DCUN1D5: variants seen among roughly 807,000 people sequenced by gnomAD.
DCUN1D5 encodes the protein DCN1-like protein 5.
DCUN1D5 carries 10 observed loss-of-function variants against 38.3 expected under a neutral mutation model. That is an observed-to-expected ratio of 0.26 (90% CI 0.16 to 0.44). DCUN1D5 has a LOEUF of 0.44. DCUN1D5 is among the 20% of genes least tolerant of loss of function. DCUN1D5 has a pLI of 1.00. For synonymous variants in DCUN1D5, 93 were observed against 90.9 expected (o/e 1.02, Z -0.13); for missense variants, 148 against 275.3 (o/e 0.54, Z 3.27).
intron 4 of DCUN1D5, among the ~76,000 whole-genome samples, chr11:103,080,863 T>C (rs923479476): frequency 6.6e-6 from 1 of 151,998 alleles, no homozygotes. Flanking sequence ...ATACACAAAA[T>C]TAGCCGGGCG....
chr11:103,066,622 T>C lies in DCUN1D5; in HGVS notation c.342-55A>G. 1 of 1,103,804 alleles carries C rather than the reference T, an allele frequency of 9.1e-7. No homozygotes were observed. Among genetic ancestry groups the C allele is most frequent in the Non-Finnish European group, 1.4e-6 (1 of 729,258 alleles). The allele number at this position is 1,103,804 out of a possible 1,614,324, so 68.4% of individuals were successfully genotyped here. ...CATAATCAAGAAAATCAAATAAAAG[T>C]ATCACTGGGGGTTAGACGTAATGCA... On this transcript the variant is annotated intron_variant, in intron 4 of 7. Coordinates refer to ENST00000260247, the MANE Select transcript of DCUN1D5 (RefSeq NM_032299.4). The surrounding 1 kb of genome is among the most constrained non-coding windows in gnomAD (Gnocchi z 4.7).
Position 103,062,322 on chromosome 11 carries a change from G to C in DCUN1D5, c.*37C>G. ...ATCACATTAGCTTGTATACACGTGG[G>C]AATTGAAAGGTTTGCATTTTCTTCA... On this transcript the variant is annotated 3_prime_UTR_variant, in exon 8 of 8. Transcript: ENST00000260247. This position sits in a 1 kb window ranked among gnomAD's most constrained non-coding sequence, Gnocchi z 4.6. 6.2e-7 allele frequency: 1 copy of C among 1,604,062 alleles called. No individual in the cohort carries two copies. The highest frequency in any genetic ancestry group is 2.2e-5 in the East Asian group (1 of 44,790).
chr11:103,090,171 T>TA (rs1862822023), intron 1 of DCUN1D5, among the ~76,000 whole-genome samples: 1 of 152,198 alleles, frequency 6.6e-6, no homozygotes, highest in South Asian at 2.1e-4. Context: ...GTTCTAATAA[T>TA]ACTGCCTGCT....
intron 4 of DCUN1D5, among the ~76,000 whole-genome samples, chr11:103,068,860 A>G (rs1160313413): frequency 6.6e-6 from 1 of 152,088 alleles, no homozygotes; most frequent in African/African-American, 2.4e-5. Flanking sequence ...AAGATCTTAC[A>G]GTTCAAAAAT....
chr11:103,070,020 G>C (rs1360879583), intron 4 of DCUN1D5, among the ~76,000 whole-genome samples: 2 of 151,118 alleles, frequency 1.3e-5, no homozygotes, highest in Non-Finnish European at 2.9e-5. Flanking sequence ...GAGATGTTCA[G>C]AATTATCTGA....
rs1001998833 is a variant in DCUN1D5, at chr11:103,051,318, TAAAA to T, written c.*11037_*11040del. 6.6e-6 allele frequency: 1 copy of T among 152,184 alleles called. No homozygotes were observed. Among genetic ancestry groups the T allele is most frequent in the East Asian group, 1.9e-4 (1 of 5,196 alleles). 9.4% of individuals were successfully genotyped at this position (152,184 alleles called of 1,614,324 possible). A position where few individuals can be genotyped will look rare whatever the true frequency, so the allele number is the denominator to read the frequency against. On this transcript the variant is annotated 3_prime_UTR_variant, in exon 8 of 8. Coordinates refer to ENST00000260247, the MANE Select transcript of DCUN1D5 (RefSeq NM_032299.4). ...CCATCCATCCTTCAGGAAACTTTTT[TAAAA>T]AAAGATTTTCTGCATGGTTTATCTT...
Position 103,087,344 on chromosome 11 carries a change from G to A in DCUN1D5, c.178+1883C>T, listed in dbSNP as rs983030207. ...CACCACCACGCCCGGCTAATTGTTT[G>A]TGTTTTTGGTAGAGAGAGTGTTTCA... On this transcript the variant is annotated intron_variant, in intron 2 of 7. Transcript: ENST00000260247. This position sits in a 1 kb window ranked among gnomAD's most constrained non-coding sequence, Gnocchi z 4.1. Among the ~76,000 whole-genome samples the A allele has an allele frequency of 2.0e-5, 3 of 151,810 alleles. No homozygotes were observed. The highest frequency in any genetic ancestry group is 2.0e-4 in the Admixed American group (3 of 15,232).
intron 4 of DCUN1D5, among the ~76,000 whole-genome samples, chr11:103,075,526 C>G (rs145058095): frequency 6.6e-6 from 1 of 152,064 alleles, no homozygotes; most frequent in East Asian, 1.9e-4. Context: ...GGACTATAGG[C>G]GCATGCCACC....
rs117291173 is a variant in DCUN1D5 at position 103,055,960 on chromosome 11, C to A, written c.*6399G>T. Among the ~76,000 whole-genome samples, 1 of 152,282 alleles carries A rather than the reference C, an allele frequency of 6.6e-6. No individual in the cohort carries two copies. The highest frequency in any genetic ancestry group is 1.9e-4 in the East Asian group (1 of 5,178). ...CTGAGTCTTCGCCATCTTATTAATG[C>A]CCACTTCATTCTTCAAGCCAAAAAC... On this transcript the variant is annotated 3_prime_UTR_variant, in exon 8 of 8. Coordinates refer to ENST00000260247, the MANE Select transcript of DCUN1D5 (RefSeq NM_032299.4).
In DCUN1D5 at chr11:103,091,675, G is replaced by A. The variant is rs1211399550; in HGVS notation, c.86+112C>T. On this transcript the variant is annotated intron_variant, in intron 1 of 7. Transcript: ENST00000260247. The surrounding 1 kb of genome is among the most constrained non-coding windows in gnomAD (Gnocchi z 4.3). ...CACCTACAGCCTAGCTCGATCAAAG[G>A]GGCCTCACCTGTCTCCAGCCCCAGC... 1.1e-5 allele frequency: 17 copies of A among 1,597,404 alleles called. No homozygotes were observed. The highest frequency in any genetic ancestry group is 1.7e-5 in the Admixed American group (1 of 58,144).
Position 103,082,814 on chromosome 11 carries a change from T to C in DCUN1D5, c.275A>G (p.Lys92Arg). Residue 92 changes from lysine to arginine, a missense_variant, in exon 4 of 8, where the codon AAA (lysine) becomes AGA (arginine). By Grantham distance (26) the Lys-to-Arg change is conservative. Coordinates refer to ENST00000260247, the MANE Select transcript of DCUN1D5 (RefSeq NM_032299.4). ...ENIIMLVLAW[K>R]LEAESMGFFT... Reference sequence around the variant, plus strand: ...AAATCCCATGCTTTCAGCCTCCAATTTCCACGCTAAAACTAACATAATAAT... The same window carrying C: ...AAATCCCATGCTTTCAGCCTCCAATCTCCACGCTAAAACTAACATAATAAT... 6.2e-7 allele frequency: 1 copy of C among 1,613,000 alleles called. No homozygotes were observed. The highest frequency in any genetic ancestry group is 8.5e-7 in the Non-Finnish European group (1 of 1,179,238).
In DCUN1D5 at chr11:103,083,412, C is replaced by A; in HGVS notation, c.179-86G>T. 1.5e-6 allele frequency: 1 copy of A among 657,728 alleles called. No homozygotes were observed. The highest frequency in any genetic ancestry group is 2.2e-5 in the South Asian group (1 of 45,100). 40.7% of individuals were successfully genotyped at this position (657,728 alleles called of 1,614,324 possible). On this transcript the variant is annotated intron_variant, in intron 2 of 7. Coordinates refer to ENST00000260247, the MANE Select transcript of DCUN1D5 (RefSeq NM_032299.4). The surrounding 1 kb of genome is among the most constrained non-coding windows in gnomAD (Gnocchi z 4.4). ...CATGCTAAAGGTACCCATGAACACA[C>A]CATAATATTTTGCAAATAATTAAAT...
chr11:103,051,719 C>G lies in DCUN1D5; in HGVS notation c.*10640G>C, dbSNP rs1354780717. 6.6e-6 allele frequency: 1 copy of G among 152,146 alleles called. No homozygotes were observed. The highest frequency in any genetic ancestry group is 6.5e-5 in the Admixed American group (1 of 15,276). The allele number at this position is 152,146 out of a possible 1,614,324, so 9.4% of individuals were successfully genotyped here. A position where few individuals can be genotyped will look rare whatever the true frequency, so the allele number is the denominator to read the frequency against. On this transcript the variant is annotated 3_prime_UTR_variant, in exon 8 of 8. Transcript: ENST00000260247. ...ATCAATATGCACATCAATCTTACCT[C>G]TACCTCACAGAAGAGGAAAAAGGGA...
Position 103,061,320 on chromosome 11 carries a change from G to C in DCUN1D5, c.*1039C>G, listed in dbSNP as rs1862004149. Among the ~76,000 whole-genome samples, 1 of 152,210 alleles carries C rather than the reference G, an allele frequency of 6.6e-6. No individual in the cohort carries two copies. Among genetic ancestry groups the C allele is most frequent in the Non-Finnish European group, 1.5e-5 (1 of 67,986 alleles). ...AAGTTTTCATATCACTGGGATACTG[G>C]ATGGTTTGAAAAGGAATGTACAAAC... On this transcript the variant is annotated 3_prime_UTR_variant, in exon 8 of 8. Coordinates refer to ENST00000260247, the MANE Select transcript of DCUN1D5 (RefSeq NM_032299.4).
rs971840139 is a variant in DCUN1D5, at chr11:103,059,993, G to C, written c.*2366C>G. Among the ~76,000 whole-genome samples, 1 of 151,902 alleles carries C rather than the reference G, an allele frequency of 6.6e-6. No homozygotes were observed. The highest frequency in any genetic ancestry group is 1.5e-5 in the Non-Finnish European group (1 of 67,990). On this transcript the variant is annotated 3_prime_UTR_variant, in exon 8 of 8. Transcript: ENST00000260247. ...ACAGTTAGACTTTTTTATACTGCAGGGTCCTTAATATTGTATTGTTTATAT... is the reference window on the plus strand; with the variant it reads ...ACAGTTAGACTTTTTTATACTGCAGCGTCCTTAATATTGTATTGTTTATAT...
At position 103,053,309 on chromosome 11, in the gene DCUN1D5, C is replaced by A. The variant is rs900512400; in HGVS notation, c.*9050G>T. On this transcript the variant is annotated 3_prime_UTR_variant, in exon 8 of 8. Coordinates refer to ENST00000260247, the MANE Select transcript of DCUN1D5 (RefSeq NM_032299.4). This position sits in a 1 kb window ranked among gnomAD's most constrained non-coding sequence, Gnocchi z 4.8. ...TTTAATGAACCATTTCACTATACTG[C>A]CTACAAAGAAAGCAAGTAATACAAA... 4.0e-5 allele frequency: 6 copies of A among 148,852 alleles called. No individual in the cohort carries two copies. The highest frequency in any genetic ancestry group is 1.5e-4 in the African/African-American group (6 of 41,016). The allele number at this position is 148,852 out of a possible 1,614,324, so 9.2% of individuals were successfully genotyped here. A position where few individuals can be genotyped will look rare whatever the true frequency, so the allele number is the denominator to read the frequency against.
At position 103,066,229 on chromosome 11, in the gene DCUN1D5, T is replaced by A. The variant is rs199971821; in HGVS notation, c.555+40A>T. The stretch of plus-strand genomic sequence containing the variant: ...CAAAAGTATAACTTTCAGATTAAGT[T>A]TTAAAATAATATTTTCAAAATTCGA... On this transcript the variant is annotated intron_variant, in intron 6 of 7. Coordinates refer to ENST00000260247, the MANE Select transcript of DCUN1D5 (RefSeq NM_032299.4). This position sits in a 1 kb window ranked among gnomAD's most constrained non-coding sequence, Gnocchi z 4.7. 7.7e-7 allele frequency: 1 copy of A among 1,305,072 alleles called. No homozygotes were observed. The highest frequency in any genetic ancestry group is 2.4e-5 in the East Asian group (1 of 41,530). The allele number at this position is 1,305,072 out of a possible 1,614,324, so 80.8% of individuals were successfully genotyped here.
chr11:103,072,254 G>A (rs1476051724), intron 4 of DCUN1D5, among the ~76,000 whole-genome samples: 1 of 150,734 alleles, frequency 6.6e-6, no homozygotes, highest in Admixed American at 6.6e-5. Context: ...TGGAGAAATA[G>A]GAATGATTTT....
At position 103,051,501 on chromosome 11, in the gene DCUN1D5, T is replaced by TTC. The variant is rs1861730091; in HGVS notation, c.*10857_*10858insGA. 2 of 111,420 alleles carry TTC rather than the reference T, an allele frequency of 1.8e-5. No individual in the cohort carries two copies. The highest frequency in any genetic ancestry group is 9.4e-5 in the Admixed American group (1 of 10,684). 6.9% of individuals were successfully genotyped at this position (111,420 alleles called of 1,614,324 possible). ...GATTTGGTGGCTTCACATATTTACT[T>TTC]CCCCCCCCCCCCCGCCACCCCTGTG... On this transcript the variant is annotated 3_prime_UTR_variant, in exon 8 of 8. Transcript: ENST00000260247.
Sources: allele counts gnomAD v4.1 joint callset (sites outside exome capture counted in the v4.1 genomes callset), GRCh38; gene constraint gnomAD v4.1.1; non-coding constraint Gnocchi (gnomAD v3.1); transcripts MANE v1.5; gene names NCBI Gene and HGNC (gene_info 2026-07-23, HGNC 2026-07-21).